HEXIM2: variants seen among roughly 807,000 people sequenced by gnomAD.
The protein encoded by HEXIM2 is HEXIM P-TEFb complex subunit 2, also known as protein HEXIM2.
For synonymous variants in HEXIM2, 159 were observed against 162.7 expected (o/e 0.98, Z 0.17); for missense variants, 413 against 390.8 (o/e 1.06, Z -0.48).
chr17:45,162,072 C>T (rs1228992613), intron 1 of HEXIM2, 41 bp downstream of exon 1: 2 of 931,212 alleles, frequency 2.1e-6, no homozygotes, highest in South Asian at 9.9e-5. Flanking sequence ...ATGACTGTCT[C>T]CCTTCTTCCA....
upstream of HEXIM2, chr17:45,160,886 A>G: frequency 1.6e-6 from 2 of 1,289,318 alleles, no homozygotes; most frequent in Non-Finnish European, 2.0e-6. Flanking sequence ...ACAGTAGTTT[A>G]AGAGGGTCGT....
chr17:45,169,911 C>T lies in HEXIM2; in HGVS notation c.*102C>T. On this transcript the variant is annotated 3_prime_UTR_variant, in exon 4 of 4. Coordinates refer to ENST00000589230, the MANE Select transcript of HEXIM2 (RefSeq NM_001303441.2). The stretch of plus-strand genomic sequence containing the variant: ...GCAGGTGGCAGATGAAAACCACCGT[C>T]AACACCCTGTGCGCCCTGAGAACAG... 2.0e-6 allele frequency: 2 copies of T among 986,136 alleles called. No individual in the cohort carries two copies. The highest frequency in any genetic ancestry group is 2.8e-5 in the East Asian group (1 of 36,314). 61.1% of individuals were successfully genotyped at this position (986,136 alleles called of 1,614,324 possible).
upstream of HEXIM2, chr17:45,161,354 T>G: frequency 5.1e-6 from 1 of 196,356 alleles, no homozygotes; most frequent in South Asian, 6.9e-5. Context: ...TCACCCTCCC[T>G]GGCCCCCGGT....
chr17:45,161,834 A>G (rs2042703785), upstream of HEXIM2: 9 of 985,414 alleles, frequency 9.1e-6, no homozygotes, highest in South Asian at 4.7e-5. Flanking sequence ...TTTTCAGGCC[A>G]GAAGAACTAC....
intron 3 of HEXIM2, among the ~76,000 whole-genome samples, chr17:45,163,305 G>A (rs554532940): frequency 5.4e-4 from 66 of 121,394 alleles, no homozygotes; most frequent in African/African-American, 1.5e-3. Context: ...CAGCCTGGGC[G>A]TCAGAGCGAG....
upstream of HEXIM2, chr17:45,161,298 G>A: frequency 6.5e-6 from 2 of 309,626 alleles, no homozygotes; most frequent in Admixed American, 4.0e-5. Flanking sequence ...CTGCGGGGCT[G>A]CCGGGACGGT....
rs962115345 is a variant in HEXIM2, at chr17:45,169,615, C to G, written c.667C>G (p.Arg223Gly). 1 of 1,537,474 alleles carries G rather than the reference C, an allele frequency of 6.5e-7. No individual in the cohort carries two copies. The highest frequency in any genetic ancestry group is 1.4e-5 in the African/African-American group (1 of 72,424). Residue 223 changes from arginine to glycine, a missense_variant, in exon 4 of 4, where the codon CGG (arginine) becomes GGG (glycine). By Grantham distance (125) the Arg-to-Gly change is moderately radical. Transcript: ENST00000589230. Reference protein sequence around the residue: ...LVRDYLELEKRLSQAEEETRR... With the variant: ...LVRDYLELEKGLSQAEEETRR... ...GCGAGACTACCTGGAGCTGGAGAAG[C>G]GGCTGTCGCAGGCGGAGGAGGAGAC...
intron 3 of HEXIM2, among the ~76,000 whole-genome samples, chr17:45,163,494 C>T (rs1256495779): frequency 6.6e-6 from 1 of 152,084 alleles, no homozygotes; most frequent in South Asian, 2.1e-4. Context: ...CAGAACATTG[C>T]CTTGACCTCA....
chr17:45,168,776 A>C (rs1411963409), intron 3 of HEXIM2: 1 of 528,482 alleles, frequency 1.9e-6, no homozygotes, highest in Non-Finnish European at 3.4e-6. Context: ...CATTGAAATT[A>C]CAGAGTGAAA....
Position 45,169,630 on chromosome 17 carries a change from G to T in HEXIM2, c.682G>T (p.Glu228Ter). The T allele has an allele frequency of 6.5e-7, 1 of 1,536,702 alleles. No homozygotes were observed. ...GCTGGAGAAGCGGCTGTCGCAGGCG[G>T]AGGAGGAGACTAGGAGGCTGCAGCA... ...LELEKRLSQA[E>*]EETRRLQQLQ... Residue 228 changes from glutamate (E) to a stop codon, truncating the protein, a stop_gained, in exon 4 of 4, where the codon GAG (glutamate) becomes TAG (stop). Coordinates refer to ENST00000589230, the MANE Select transcript of HEXIM2 (RefSeq NM_001303441.2). LOFTEE classifies it low-confidence loss of function (END_TRUNC).
chr17:45,169,398 CAG>C lies in HEXIM2; in HGVS notation c.451_452del (p.Arg151GlyfsTer23). ...ACACCACCCAGTTCCTGATGAATGA[CAG>C]GGACCCGGAGGAGCCCAACTTGGAT... ...YNTTQFLMNDRDPEEPNLDVP... is the reference protein window; with the variant it reads ...YNTTQFLMNDXDPEEPNLDVP... On this transcript the variant is annotated frameshift_variant, in exon 4 of 4. Transcript: ENST00000589230. LOFTEE classifies it low-confidence loss of function (END_TRUNC). 1 of 1,613,996 alleles carries C rather than the reference CAG, an allele frequency of 6.2e-7. No individual in the cohort carries two copies. The highest frequency in any genetic ancestry group is 8.5e-7 in the Non-Finnish European group (1 of 1,180,006).
upstream of HEXIM2, chr17:45,161,173 C>G (rs2042672515): frequency 3.8e-5 from 14 of 370,808 alleles, 1 homozygote; most frequent in South Asian, 2.7e-4. Flanking sequence ...CCTCAGGATC[C>G]GCGCCCCTGT....
At chr17:45,163,834 G>A (rs2144052412) in intron 3 of HEXIM2, among the ~76,000 whole-genome samples, 1 of 152,106 alleles carries the variant, frequency 6.6e-6, no homozygotes, top group East Asian at 1.9e-4. Context: ...GGGCGACAGA[G>A]TGACACTCCA....
chr17:45,164,904 G>A (rs1672317775), intron 3 of HEXIM2, among the ~76,000 whole-genome samples: 1 of 152,166 alleles, frequency 6.6e-6, no homozygotes, highest in African/African-American at 2.4e-5. Context: ...TGGATTGACT[G>A]AATTCGGAAT....
chr17:45,160,856 A>G (rs1419758798), upstream of HEXIM2: 5 of 1,252,606 alleles, frequency 4.0e-6, no homozygotes, highest in East Asian at 5.6e-5. Flanking sequence ...AGCTGCTCCC[A>G]GGGGGAATTA....
intron 3 of HEXIM2, among the ~76,000 whole-genome samples, 174 bp downstream of exon 3, chr17:45,163,033 T>G (rs2042745250): frequency 6.6e-6 from 1 of 152,202 alleles, no homozygotes; most frequent in South Asian, 2.1e-4. Context: ...TGATGAAATC[T>G]TAGTAACTGG....
At chr17:45,161,518 G>C (rs954915957), upstream of HEXIM2, 2 of 161,998 alleles carry the variant, frequency 1.2e-5, no homozygotes, top group African/African-American at 2.4e-5. Context: ...GATGGCCGCC[G>C]AGCTTCTCGT....
chr17:45,162,305 A>G (rs1259541033), intron 1 of HEXIM2, among the ~76,000 whole-genome samples, 183 bp from the exon 2 acceptor site: 1 of 152,118 alleles, frequency 6.6e-6, no homozygotes, highest in Non-Finnish European at 1.5e-5. Flanking sequence ...CTGCATCAAG[A>G]TTGGGGCCAC....
chr17:45,164,841 G>A (rs752385405), intron 3 of HEXIM2, among the ~76,000 whole-genome samples: 15 of 152,272 alleles, frequency 9.9e-5, no homozygotes, highest in Non-Finnish European at 1.8e-4. Context: ...GGGGGCTTAG[G>A]ACAGAGGTCA....
Sources: allele counts gnomAD v4.1 joint callset (sites outside exome capture counted in the v4.1 genomes callset), GRCh38; gene constraint gnomAD v4.1.1; transcripts MANE v1.5; gene names NCBI Gene and HGNC (gene_info 2026-07-23, HGNC 2026-07-21).